The following CSMD1 variants were observed in gnomAD, a reference collection of about 807,000 sequenced individuals.
The protein encoded by CSMD1 is CUB and Sushi multiple domains 1.
A neutral mutation model predicts 417.5 loss-of-function variants in CSMD1; 213 were observed. The ratio of observed to expected loss-of-function variants is 0.51; its 90% CI spans 0.46 to 0.57. The LOEUF is 0.57. Among genes scored for constraint, CSMD1 ranks in the 20% least tolerant of loss-of-function variants. The probability of loss-of-function intolerance (pLI) is 0.00; values close to 1 mark genes in which losing one functional copy is unlikely to be tolerated. For synonymous variants in CSMD1, 2,862 were observed against 1,736.8 expected, an observed-to-expected ratio of 1.65 and a Z score of -16.11; for missense variants, 6,923 against 4,529.7, an observed-to-expected ratio of 1.53 and a Z score of -15.17.
intron 10 of CSMD1, among the ~76,000 whole-genome samples, chr8:3,507,710 G>A (rs888259936): frequency 6.6e-6 from 1 of 152,206 alleles, no homozygotes; most frequent in East Asian, 1.9e-4. Flanking sequence ...ACTGGTATGA[G>A]ATGGTATCTC....
chr8:4,204,718 G>T (rs985997985), intron 3 of CSMD1, among the ~76,000 whole-genome samples: 8 of 152,140 alleles, frequency 5.3e-5, no homozygotes, highest in African/African-American at 1.4e-4. Flanking sequence ...GCAGCAGTCA[G>T]ATCATAGCTC....
rs2554685 is a variant in CSMD1 at position 4,077,009 on chromosome 8, G to A, written c.416-44910C>T. Among the ~76,000 whole-genome samples, 116 of 152,152 alleles carry A rather than the reference G, an allele frequency of 7.6e-4. No individual in the cohort carries two copies. In the East Asian group the frequency reaches 0.021, roughly 27 times the overall value. On this transcript the variant is annotated intron_variant, in intron 3 of 69. Transcript: ENST00000635120. Reference sequence around the variant, plus strand: ...AAGAATAAATTCCAGCTAATAGTAAGAAAAATTGCAACTCTAGGTAATTCT... The same window carrying A: ...AAGAATAAATTCCAGCTAATAGTAAAAAAAATTGCAACTCTAGGTAATTCT...
intron 1 of CSMD1, among the ~76,000 whole-genome samples, chr8:4,874,359 T>A (rs1802915152): frequency 6.6e-6 from 1 of 151,172 alleles, no homozygotes; most frequent in South Asian, 2.1e-4. Flanking sequence ...AAGAAAGGGA[T>A]GGTGGAGGAG....
In CSMD1 at chr8:3,157,962, C is replaced by T. The variant is rs752278123; in HGVS notation, c.5849G>A (p.Arg1950His). 54 of 1,553,132 alleles carry T rather than the reference C, an allele frequency of 3.5e-5. No homozygotes were observed. The highest frequency in any genetic ancestry group is 2.1e-4 in the Admixed American group (11 of 51,238). Residue 1950 changes from arginine to histidine, a missense_variant, in exon 39 of 70, where the codon CGT becomes CAT. Physicochemically the swap from Arg to His is conservative, Grantham distance 29 (BLOSUM62 0). Transcript: ENST00000635120. ...CCCTGGCATACAGGAAATGTGGGAA[C>T]GGCCCTGTTTAAAAGAAAACAAAAG... The part of the protein sequence containing the change: ...QCEPGYTLQG[R>H]SHISCMPGTV...
chr8:3,124,550 G>C (rs973341671), intron 41 of CSMD1, among the ~76,000 whole-genome samples: 12 of 152,210 alleles, frequency 7.9e-5, no homozygotes, highest in Non-Finnish European at 1.3e-4. Flanking sequence ...CATAGAAAGA[G>C]TTCAGTGTCT....
chr8:2,998,537 G>A (rs1410349668), intron 53 of CSMD1, among the ~76,000 whole-genome samples: 1 of 152,172 alleles, frequency 6.6e-6, no homozygotes, highest in African/African-American at 2.4e-5. Context: ...TTAATCATGA[G>A]TTTTGAACAT....
intron 25 of CSMD1, among the ~76,000 whole-genome samples, chr8:3,302,000 C>T (rs1050855300): frequency 1.3e-5 from 2 of 151,986 alleles, no homozygotes; most frequent in Non-Finnish European, 2.9e-5. Flanking sequence ...ATTCCATGAG[C>T]TGTACAGTCC....
intron 6 of CSMD1, among the ~76,000 whole-genome samples, chr8:3,728,541 A>C (rs1802629840): frequency 6.6e-6 from 1 of 152,166 alleles, no homozygotes; most frequent in Non-Finnish European, 1.5e-5. Context: ...ATATAAACGT[A>C]GGTTTGCCTA....
At chr8:4,201,540 C>CAAAAAAAAAAAAAAAAAAA (rs1157479482) in intron 3 of CSMD1, among the ~76,000 whole-genome samples, 1 of 59,032 alleles carries the variant, frequency 1.7e-5, no homozygotes, top group Non-Finnish European at 2.8e-5. Flanking sequence ...TCTGTCTCCA[C>CAAAAAAAAAAAAAAAAAAA]AAAAAAAAAA....
At chr8:4,149,578 C>A (rs1003320794) in intron 3 of CSMD1, among the ~76,000 whole-genome samples, 2 of 152,146 alleles carry the variant, frequency 1.3e-5, no homozygotes, top group African/African-American at 2.4e-5. Flanking sequence ...AAATCCGAAC[C>A]AGATTTATGC....
At chr8:3,981,582 A>G (rs954004109) in intron 5 of CSMD1, among the ~76,000 whole-genome samples, 13 of 151,296 alleles carry the variant, frequency 8.6e-5, no homozygotes, top group African/African-American at 2.7e-4. Context: ...CACATCACTC[A>G]TAATTTTTCC....
At chr8:3,477,842 T>C (rs917038016) in intron 11 of CSMD1, among the ~76,000 whole-genome samples, 4 of 152,120 alleles carry the variant, frequency 2.6e-5, no homozygotes, top group African/African-American at 7.2e-5. Flanking sequence ...CAGGACATGG[T>C]AGTTACAGAT....
intron 1 of CSMD1, among the ~76,000 whole-genome samples, chr8:4,713,298 C>A (rs1375652500): frequency 6.6e-6 from 1 of 152,182 alleles, no homozygotes; most frequent in East Asian, 1.9e-4. Flanking sequence ...TTTTTGGAAA[C>A]CTGGGATGCT....
At chr8:4,531,737 T>C (rs1243318917) in intron 2 of CSMD1, among the ~76,000 whole-genome samples, 1 of 152,180 alleles carries the variant, frequency 6.6e-6, no homozygotes, top group Non-Finnish European at 1.5e-5. Context: ...TCCCATACCA[T>C]GAAATTCACT....
intron 3 of CSMD1, among the ~76,000 whole-genome samples, chr8:4,154,410 G>T (rs745741683): frequency 6.6e-6 from 1 of 152,144 alleles, no homozygotes; most frequent in Non-Finnish European, 1.5e-5. Flanking sequence ...ATAGACAAAG[G>T]CATTTAGCAG....
intron 11 of CSMD1, among the ~76,000 whole-genome samples, chr8:3,469,457 C>G (rs1390536342): frequency 2.0e-5 from 3 of 152,090 alleles, no homozygotes; most frequent in East Asian, 1.9e-4. Context: ...CTGGGTCACA[C>G]CAAATGTGAG....
At chr8:4,421,565 A>G (rs1249500300) in intron 2 of CSMD1, among the ~76,000 whole-genome samples, 3 of 151,966 alleles carry the variant, frequency 2.0e-5, no homozygotes, top group Admixed American at 2.0e-4. Context: ...TTGGAAAATA[A>G]ACAACACACT....
At chr8:4,264,563 G>A (rs961351237) in intron 3 of CSMD1, among the ~76,000 whole-genome samples, 6 of 152,114 alleles carry the variant, frequency 3.9e-5, no homozygotes, top group Admixed American at 3.9e-4. Context: ...GGGTTAGCAA[G>A]CATTTTATTA....
In CSMD1 at chr8:3,139,101, C is replaced by T. The variant is rs191700058; in HGVS notation, c.6241+3364G>A. Among the ~76,000 whole-genome samples, 19 of 152,200 alleles carry T rather than the reference C, an allele frequency of 1.2e-4. No individual in the cohort carries two copies. In the East Asian group the frequency reaches 2.7e-3, roughly 22 times the overall value. The stretch of plus-strand genomic sequence containing the variant: ...GAGGATAAGCTGGGAAGCAAAACTG[C>T]GAGCTCAGCTTCGGGCACATGTTTC... On this transcript the variant is annotated intron_variant, in intron 41 of 69. Coordinates refer to ENST00000635120, the MANE Select transcript of CSMD1 (RefSeq NM_033225.6).
Sources: allele counts gnomAD v4.1 joint callset (sites outside exome capture counted in the v4.1 genomes callset), GRCh38; gene constraint gnomAD v4.1.1; transcripts MANE v1.5; gene names NCBI Gene and HGNC (gene_info 2026-07-23, HGNC 2026-07-21).